Variants in MRPS27 observed in about 807,000 individuals in gnomAD.
The protein encoded by MRPS27 is small ribosomal subunit protein mS27.
MRPS27 carries 43 observed loss-of-function variants against 48.9 expected under a neutral mutation model. The ratio of observed to expected loss-of-function variants is 0.88; its 90% confidence interval spans 0.69 to 1.13. The LOEUF (loss-of-function observed/expected upper bound fraction) is 1.13, where lower values mean the gene tolerates loss of function less well. Ranked by LOEUF, MRPS27 falls within the 50% of genes most tolerant of loss-of-function variation. The probability of loss-of-function intolerance (pLI) is 0.00; values close to 1 mark genes in which losing one functional copy is unlikely to be tolerated. For synonymous variants in MRPS27, 188 were observed against 171.9 expected (o/e 1.09, Z -0.73); for missense variants, 467 against 476.3 (o/e 0.98, Z 0.18).
Position 72,226,213 on chromosome 5 carries a change from G to C in MRPS27, c.695-14C>G, listed in dbSNP as rs1399374780. The C allele has an allele frequency of 6.2e-7, 1 of 1,612,890 alleles. No individual in the cohort carries two copies. The highest frequency in any genetic ancestry group is 1.1e-5 in the South Asian group (1 of 91,008). On this transcript the variant is annotated splice_polypyrimidine_tract_variant and intron_variant, in intron 8 of 10. Transcript: ENST00000261413. ...ACTCCACCTTCCCTGTGGCCAAAAA[G>C]AACAATAAAGAATGCTCAGCCATGT...
intron 4 of MRPS27, among the ~76,000 whole-genome samples, chr5:72,240,188 T>C (rs889337741): frequency 1.3e-5 from 2 of 152,184 alleles, no homozygotes; most frequent in Non-Finnish European, 2.9e-5. Context: ...TGCTGTTATG[T>C]CCCGATCATT....
chr5:72,247,219 T>C (rs1220197212), intron 4 of MRPS27, among the ~76,000 whole-genome samples: 1 of 152,204 alleles, frequency 6.6e-6, no homozygotes, highest in Non-Finnish European at 1.5e-5. Context: ...ATACTGTTTA[T>C]AAAAACACAG....
intron 4 of MRPS27, chr5:72,241,536 G>A: frequency 9.1e-7 from 1 of 1,093,426 alleles, no homozygotes; most frequent in South Asian, 1.4e-5. Flanking sequence ...GCAAGTTTGA[G>A]AAGAATTCCT....
At chr5:72,248,248 A>G (rs1443351480) in intron 4 of MRPS27, among the ~76,000 whole-genome samples, 2 of 152,218 alleles carry the variant, frequency 1.3e-5, no homozygotes, top group Admixed American at 1.3e-4. Context: ...CCAAATGCAA[A>G]CTTCATGTCA....
rs977729501 is a variant in MRPS27, at chr5:72,232,479, A to G, written c.555T>C (p.Val185=). ...TCTTCTTTGCCAGGCAATGAAATAA[A>G]ACATAGAGGGAGAGAAGTTGGGTGG... ...VPSTQLLSLY[V]LFHCLAKKTD... is the part of the protein sequence containing the mutation. The change falls in exon 7 of 11, where the codon GTT becomes GTC. Residue 185 remains valine (V), a synonymous_variant. Transcript: ENST00000261413. 6.2e-7 allele frequency: 1 copy of G among 1,612,510 alleles called. No individual in the cohort carries two copies. The highest frequency in any genetic ancestry group is 1.3e-5 in the African/African-American group (1 of 74,826).
At chr5:72,313,689 T>C (rs1041992610) in intron 2 of MRPS27, among the ~76,000 whole-genome samples, 1 of 152,036 alleles carries the variant, frequency 6.6e-6, no homozygotes, top group African/African-American at 2.4e-5. Context: ...GGTAATGAAA[T>C]AGAGAAGAGT....
At chr5:72,283,216 T>G (rs1030652452) in intron 4 of MRPS27, among the ~76,000 whole-genome samples, 1 of 152,226 alleles carries the variant, frequency 6.6e-6, no homozygotes, top group Non-Finnish European at 1.5e-5. Flanking sequence ...CTTCCCATCC[T>G]GACTCCTTCA....
At chr5:72,275,886 T>C (rs1006325579) in intron 4 of MRPS27, among the ~76,000 whole-genome samples, 1 of 151,876 alleles carries the variant, frequency 6.6e-6, no homozygotes, top group South Asian at 2.1e-4. Flanking sequence ...GGGGTGTCTA[T>C]AGTGAACCAG....
chr5:72,276,856 C>T (rs933225240), intron 4 of MRPS27, among the ~76,000 whole-genome samples: 2 of 151,952 alleles, frequency 1.3e-5, no homozygotes, highest in African/African-American at 4.8e-5. Context: ...ACAGTGAAAC[C>T]CCATCTCTAC....
rs185486896 is a variant in MRPS27 at position 72,291,041 on chromosome 5, T to C, written c.281+4490A>G. On this transcript the variant is annotated intron_variant, in intron 4 of 10. Coordinates refer to ENST00000261413, the MANE Select transcript of MRPS27 (RefSeq NM_015084.3). Reference sequence around the variant, plus strand: ...AGCGCTGGTCTCCTGACAGGTAGCATCTCAGGGCCTGTCCAAATCTTCTCA... The same window carrying C: ...AGCGCTGGTCTCCTGACAGGTAGCACCTCAGGGCCTGTCCAAATCTTCTCA... 1.2e-3 allele frequency among the ~76,000 whole-genome samples: 187 copies of C among 152,288 alleles called. No homozygotes were observed. In the Middle Eastern group the frequency reaches 0.014, roughly 11 times the overall value.
chr5:72,237,755 C>T (rs1374807551), intron 5 of MRPS27, among the ~76,000 whole-genome samples: 2 of 151,986 alleles, frequency 1.3e-5, no homozygotes, highest in Non-Finnish European at 2.9e-5. Flanking sequence ...ATGAAATGAC[C>T]ACCACTGCAG....
intron 4 of MRPS27, among the ~76,000 whole-genome samples, chr5:72,271,331 G>A (rs1290574484): frequency 6.6e-6 from 1 of 152,134 alleles, no homozygotes; most frequent in African/African-American, 2.4e-5. Context: ...CTAGCAGCAA[G>A]CAACTGGAAA....
chr5:72,280,474 A>C (rs1046723585), intron 4 of MRPS27, among the ~76,000 whole-genome samples: 2 of 152,228 alleles, frequency 1.3e-5, no homozygotes, highest in Non-Finnish European at 2.9e-5. Context: ...AAATATGAAA[A>C]AAATGTATAT....
At chr5:72,223,935 A>G (rs1747826456) in intron 9 of MRPS27, 85 bp from the exon 10 acceptor site, 2 of 1,301,414 alleles carry the variant, frequency 1.5e-6, no homozygotes, top group Admixed American at 4.6e-5. Context: ...GGCGAAAGAA[A>G]GGAAGAATGA....
At chr5:72,312,809 G>A (rs940803874) in intron 2 of MRPS27, among the ~76,000 whole-genome samples, 2 of 151,770 alleles carry the variant, frequency 1.3e-5, no homozygotes, top group Non-Finnish European at 2.9e-5. Context: ...TTTAACAGAC[G>A]GGGTTTCATC....
intron 10 of MRPS27, among the ~76,000 whole-genome samples, chr5:72,221,654 C>T (rs1444454820): frequency 6.6e-6 from 1 of 152,212 alleles, no homozygotes; most frequent in African/African-American, 2.4e-5. Flanking sequence ...GCAAGCCCAA[C>T]CATACATGTG....
chr5:72,252,392 C>T lies in MRPS27; in HGVS notation c.282-14264G>A, dbSNP rs577121524. Among the ~76,000 whole-genome samples, 7 of 152,154 alleles carry T rather than the reference C, an allele frequency of 4.6e-5. No homozygotes were observed. In the South Asian group the frequency reaches 8.3e-4, roughly 18 times the overall value. ...TCATACTGAAGGAAGGCTTCTTTTG[C>T]CCTGATCAGTTTGTGAAAAATCTTT... On this transcript the variant is annotated intron_variant, in intron 4 of 10. Coordinates refer to ENST00000261413, the MANE Select transcript of MRPS27 (RefSeq NM_015084.3).
chr5:72,300,316 T>C (rs560825496), intron 2 of MRPS27, among the ~76,000 whole-genome samples: 2 of 152,346 alleles, frequency 1.3e-5, no homozygotes, highest in East Asian at 3.9e-4. Context: ...TCTAGGACTC[T>C]AGTAGACTGC....
chr5:72,257,815 T>G (rs1748849242), intron 4 of MRPS27, among the ~76,000 whole-genome samples: 1 of 147,294 alleles, frequency 6.8e-6, no homozygotes, highest in African/African-American at 2.5e-5. Flanking sequence ...CTGGGTGCGA[T>G]GGCTCATGCC....
Sources: allele counts gnomAD v4.1 joint callset (sites outside exome capture counted in the v4.1 genomes callset), GRCh38; gene constraint gnomAD v4.1.1; transcripts MANE v1.5; gene names NCBI Gene and HGNC (gene_info 2026-07-23, HGNC 2026-07-21).